The following SNRPN variants were observed in gnomAD, a reference collection of about 807,000 sequenced individuals.
SNRPN encodes small nuclear ribonucleoprotein-associated protein N.
In SNRPN, 7 loss-of-function variants were observed where a neutral mutation model predicts 25.2. The ratio of observed to expected loss-of-function variants is 0.28; its 90% CI spans 0.16 to 0.52. The LOEUF is 0.52. Among genes scored for constraint, SNRPN ranks in the 20% least tolerant of loss-of-function variants. The pLI is 0.96. For synonymous variants in SNRPN, 124 were observed against 110.6 expected, an observed-to-expected ratio of 1.12 and a Z score of -0.76; for missense variants, 196 against 322.5, an observed-to-expected ratio of 0.61 and a Z score of 3.00.
At chr15:24,954,821 C>G, upstream of SNRPN, 2 of 615,398 alleles carry the variant, frequency 3.2e-6, no homozygotes, top group South Asian at 2.0e-5. Flanking sequence ...CTGTGGGGCC[C>G]TAGGGGTCCA....
chr15:24,846,615 C>T (rs1448709919), intron 2 of SNRPN, among the ~76,000 whole-genome samples: 1 of 152,128 alleles, frequency 6.6e-6, no homozygotes, highest in Non-Finnish European at 1.5e-5. Context: ...AGCTGAAAAC[C>T]ATGCAAATTA....
chr15:24,868,877 C>T (rs1342673062), intron 1 of SNRPN, among the ~76,000 whole-genome samples: 2 of 152,104 alleles, frequency 1.3e-5, no homozygotes, highest in Non-Finnish European at 2.9e-5. Flanking sequence ...TAGCTCACAC[C>T]GGTAATCCCA....
At chr15:24,953,542 C>T (rs765045804), upstream of SNRPN, among the ~76,000 whole-genome samples, 12 of 152,108 alleles carry the variant, frequency 7.9e-5, no homozygotes, top group Non-Finnish European at 1.3e-4. Flanking sequence ...AGGATGGTCT[C>T]GATCTCCTGA....
At chr15:24,857,911 G>C (rs1312391069) in intron 1 of SNRPN, among the ~76,000 whole-genome samples, 2 of 152,124 alleles carry the variant, frequency 1.3e-5, no homozygotes, top group African/African-American at 2.4e-5. Flanking sequence ...GGGGAGTGCT[G>C]ATTGGTCATG....
chr15:24,929,706 C>T lies in SNRPN; in HGVS notation c.-391+9582C>T, dbSNP rs2060672540. Among the ~76,000 whole-genome samples, 1 of 152,100 alleles carries T rather than the reference C, an allele frequency of 6.6e-6. No homozygotes were observed. Among genetic ancestry groups the T allele is most frequent in the East Asian group, 1.9e-4 (1 of 5,180 alleles). On this transcript the variant is annotated intron_variant, in intron 3 of 11. Coordinates refer to the SNRPN transcript ENST00000400097. This position sits in a 1 kb window ranked among gnomAD's most constrained non-coding sequence, Gnocchi z 5.3. ...AACACATTTTCTTCCAAGTGGAGTC[C>T]AGCATATTTTATTTTCCTGTTGAAT...
At chr15:24,961,175 T>C (rs1295569078) in intron 1 of SNRPN, among the ~76,000 whole-genome samples, 1 of 152,234 alleles carries the variant, frequency 6.6e-6, no homozygotes, top group Non-Finnish European at 1.5e-5. Context: ...ATTATCAGTG[T>C]ATAAAATTTT....
intron 1 of SNRPN, among the ~76,000 whole-genome samples, chr15:24,825,249 A>G (rs1008449687): frequency 6.6e-6 from 1 of 151,706 alleles, no homozygotes; most frequent in African/African-American, 2.4e-5. Flanking sequence ...TCATTCTTTT[A>G]TTGTATTATG....
intron 2 of SNRPN, among the ~76,000 whole-genome samples, chr15:24,903,704 G>C (rs1191014677): frequency 2.6e-5 from 4 of 152,148 alleles, no homozygotes; most frequent in Non-Finnish European, 5.9e-5. Flanking sequence ...ATATTACTGA[G>C]TTTTAATGGG....
chr15:24,974,834 C>T (rs910018241), intron 4 of SNRPN: 2 of 681,020 alleles, frequency 2.9e-6, no homozygotes, highest in Non-Finnish European at 5.3e-6. Flanking sequence ...GCTGGGATTA[C>T]AGGCATGAGA....
At chr15:24,954,391 C>A (rs895844304), upstream of SNRPN, among the ~76,000 whole-genome samples, 1 of 152,064 alleles carries the variant, frequency 6.6e-6, no homozygotes, top group African/African-American at 2.4e-5. Context: ...AATGATCTAT[C>A]CATTCCGTAT....
chr15:24,972,282 A>C (rs1005360447), intron 3 of SNRPN, among the ~76,000 whole-genome samples: 5 of 151,216 alleles, frequency 3.3e-5, no homozygotes, highest in African/African-American at 9.7e-5. Context: ...GGATATTGCT[A>C]ATGAGTCTCA....
intron 2 of SNRPN, chr15:24,908,863 CT>C (rs375733239): frequency 1.4e-3 from 805 of 594,868 alleles, no homozygotes; most frequent in South Asian, 2.4e-3. Context: ...TTTTCTTTTT[CT>C]TTTTTTTTGC....
intron 3 of SNRPN, chr15:24,920,532 A>T (rs564994550): frequency 1.3e-5 from 2 of 152,258 alleles, no homozygotes; most frequent in East Asian, 1.9e-4. Flanking sequence ...GGTCTGAGGA[A>T]CACACGTTGA....
chr15:24,845,287 A>G lies in SNRPN; in HGVS notation c.-579+15382A>G, dbSNP rs115100568. Among the ~76,000 whole-genome samples, 1,005 of 152,314 alleles carry G rather than the reference A, an allele frequency of 6.6e-3. 10 individuals carry two copies. The highest frequency in any genetic ancestry group is 0.023 in the African/African-American group (956 of 41,568). ...ACACCAATACCACACTATCTTGACT[A>G]ATACCACATTATATTAAACTTGAAA... On this transcript the variant is annotated intron_variant, in intron 2 of 12. Transcript: ENST00000400100.
At chr15:24,954,966 C>A (rs917378636), upstream of SNRPN, 27 of 1,592,112 alleles carry the variant, frequency 1.7e-5, no homozygotes, top group East Asian at 2.2e-5. Context: ...CGAAGCCTGC[C>A]GCTGCTGCAG....
chr15:24,976,754 G>C, intron 6 of SNRPN, 123 bp from the exon 7 acceptor site: 2 of 846,156 alleles, frequency 2.4e-6, no homozygotes, highest in Non-Finnish European at 3.8e-6. Context: ...TGTTCATTTG[G>C]ACACAGAACT....
chr15:24,901,575 T>G lies in SNRPN; in HGVS notation c.-505+14986T>G, dbSNP rs572284734. On this transcript the variant is annotated intron_variant, in intron 2 of 11. Transcript: ENST00000400097. ...TACCTTACCTGGGAATATGCTCAAT[T>G]GGTGACAAAATTGTTGCCACTCTGT... 2.6e-5 allele frequency among the ~76,000 whole-genome samples: 4 copies of G among 152,332 alleles called. No homozygotes were observed. The East Asian group carries it at 7.7e-4, about 29-fold the overall frequency.
At chr15:24,850,949 C>T (rs2052764589) in intron 2 of SNRPN, 1 of 151,522 alleles carries the variant, frequency 6.6e-6, no homozygotes, top group Non-Finnish European at 1.5e-5. Context: ...GAAACAGGGT[C>T]TTATTTTGTT....
intron 1 of SNRPN, 61 bp downstream of exon 1, chr15:24,955,123 C>T: frequency 6.2e-7 from 1 of 1,608,970 alleles, no homozygotes; most frequent in Non-Finnish European, 8.5e-7. Context: ...TTTTATTCAT[C>T]AGATATTCCA....
Sources: allele counts gnomAD v4.1 joint callset (sites outside exome capture counted in the v4.1 genomes callset), GRCh38; gene constraint gnomAD v4.1.1; non-coding constraint Gnocchi (gnomAD v3.1); transcripts MANE v1.5; gene names NCBI Gene and HGNC (gene_info 2026-07-23, HGNC 2026-07-21).